The following NDUFB7 variants were observed in gnomAD, a reference collection of about 807,000 sequenced individuals.
NDUFB7 encodes NADH:ubiquinone oxidoreductase subunit B7.
In NDUFB7, 18 loss-of-function variants were observed where a neutral mutation model predicts 14.7. That is an observed-to-expected ratio of 1.22 (90% CI 0.85 to 1.81). The LOEUF is 1.81. Among genes scored for constraint, NDUFB7 ranks in the 40% most tolerant of loss-of-function variants. The probability of loss-of-function intolerance (pLI) is 0.00; values close to 1 mark genes in which losing one functional copy is unlikely to be tolerated. For missense variants in NDUFB7, 219 were observed against 195.0 expected (o/e 1.12, Z -0.73); for synonymous variants, 86 against 76.1 (o/e 1.13, Z -0.68).
intron 1 of NDUFB7, among the ~76,000 whole-genome samples, chr19:14,571,453 T>C (rs1039678504): frequency 6.6e-6 from 1 of 151,550 alleles, no homozygotes; most frequent in Non-Finnish European, 1.5e-5. Flanking sequence ...AAAAAGTAGC[T>C]GGGCATGGTG....
chr19:14,572,045 G>A lies in NDUFB7; in HGVS notation c.-45C>T, dbSNP rs200582325. The stretch of plus-strand genomic sequence containing the variant: ...CCCTGCAGCAGCCGAGGGTCACCTA[G>A]CTCCTACCCGGAACCACTGACCCCT... On this transcript the variant is annotated 5_prime_UTR_variant, in exon 1 of 3. Coordinates refer to ENST00000215565, the MANE Select transcript of NDUFB7 (RefSeq NM_004146.6). 29 of 1,442,166 alleles carry A rather than the reference G, an allele frequency of 2.0e-5. No homozygotes were observed. The highest frequency in any genetic ancestry group is 9.4e-6 in the Non-Finnish European group (10 of 1,060,216). 89.3% of individuals were successfully genotyped at this position (1,442,166 alleles called of 1,614,324 possible). A position where few individuals can be genotyped will look rare whatever the true frequency, so the allele number is the denominator to read the frequency against.
At chr19:14,569,919 C>CTCGCTCTG (rs2074115497) in intron 1 of NDUFB7, among the ~76,000 whole-genome samples, 2 of 152,200 alleles carry the variant, frequency 1.3e-5, no homozygotes, top group Admixed American at 1.3e-4. Flanking sequence ...TTCAGACAGT[C>CTCGCTCTG]TCGCTCTGTC....
chr19:14,569,677 A>G (rs1052336070), intron 1 of NDUFB7, among the ~76,000 whole-genome samples: 3 of 152,084 alleles, frequency 2.0e-5, no homozygotes, highest in African/African-American at 7.2e-5. Context: ...CGGAAGGACT[A>G]CCCGGAGTGT....
At chr19:14,569,895 T>A (rs1379088741) in intron 1 of NDUFB7, among the ~76,000 whole-genome samples, 1 of 152,104 alleles carries the variant, frequency 6.6e-6, no homozygotes, top group Non-Finnish European at 1.5e-5. Context: ...CTTTGTTTTG[T>A]TTTGTTTTGT....
chr19:14,566,978 C>G (rs1376904868), intron 1 of NDUFB7, 45 bp from the exon 2 acceptor site: 1 of 1,524,676 alleles, frequency 6.6e-7, no homozygotes, highest in Admixed American at 1.9e-5. Flanking sequence ...GGCTCCCCAC[C>G]CCAATTCCGG....
intron 1 of NDUFB7, among the ~76,000 whole-genome samples, chr19:14,570,363 G>A (rs1336920947): frequency 1.3e-5 from 2 of 151,830 alleles, no homozygotes; most frequent in Admixed American, 1.3e-4. Context: ...CCACGCCCCT[G>A]GCTAATTTTT....
At chr19:14,570,764 T>C (rs1324145637) in intron 1 of NDUFB7, among the ~76,000 whole-genome samples, 1 of 152,204 alleles carries the variant, frequency 6.6e-6, no homozygotes, top group African/African-American at 2.4e-5. Context: ...ATCCCTCCAG[T>C]TCCCTGCTGT....
chr19:14,570,433 C>A (rs1156648888), intron 1 of NDUFB7, among the ~76,000 whole-genome samples: 1 of 152,138 alleles, frequency 6.6e-6, no homozygotes, highest in East Asian at 1.9e-4. Flanking sequence ...ATCCCCTGAC[C>A]TCGTGATCTG....
At position 14,571,990 on chromosome 19, in the gene NDUFB7, T is replaced by G. The variant is rs1312574024; in HGVS notation, c.11A>C (p.His4Pro). Residue 4 changes from histidine to proline, a missense_variant, in exon 1 of 3, where the codon CAC (histidine) becomes CCC (proline). Physicochemically the swap from His to Pro is moderately conservative, Grantham distance 77. Coordinates refer to ENST00000215565, the MANE Select transcript of NDUFB7 (RefSeq NM_004146.6). The part of the protein sequence containing the change: MGA[H>P]LVRRYLGDAS... ...ATCGCCCAGGTAGCGCCGGACCAGG[T>G]GGGCCCCCATGGCTGCAGTCGCTGC... 3 of 1,600,312 alleles carry G rather than the reference T, an allele frequency of 1.9e-6. No individual in the cohort carries two copies. Among genetic ancestry groups the G allele is most frequent in the South Asian group, 2.2e-5 (2 of 89,006 alleles).
Position 14,566,078 on chromosome 19 carries a change from T to C in NDUFB7, c.*55A>G. On this transcript the variant is annotated 3_prime_UTR_variant, in exon 3 of 3. Coordinates refer to ENST00000215565, the MANE Select transcript of NDUFB7 (RefSeq NM_004146.6). ...TCGGAGCAGTAAGAGGGGACTCTGGTTGAGGGGCCTGAAGGCTTTTATTTG... is the reference window on the plus strand; with the variant it reads ...TCGGAGCAGTAAGAGGGGACTCTGGCTGAGGGGCCTGAAGGCTTTTATTTG... 6.4e-7 allele frequency: 1 copy of C among 1,569,808 alleles called. No individual in the cohort carries two copies. The highest frequency in any genetic ancestry group is 1.2e-5 in the South Asian group (1 of 86,714).
intron 1 of NDUFB7, among the ~76,000 whole-genome samples, chr19:14,571,241 C>T (rs1358855713): frequency 6.6e-6 from 1 of 152,182 alleles, no homozygotes; most frequent in Non-Finnish European, 1.5e-5. Context: ...ATTGCAGTGA[C>T]ATCAGGAAGG....
chr19:14,566,634 G>A, intron 2 of NDUFB7, 131 bp downstream of exon 2: 1 of 830,978 alleles, frequency 1.2e-6, no homozygotes, highest in Non-Finnish European at 1.8e-6. Flanking sequence ...GGCTGTGGGT[G>A]TTGGCGGGGG....
At chr19:14,569,730 T>C (rs990671063) in intron 1 of NDUFB7, among the ~76,000 whole-genome samples, 2 of 152,138 alleles carry the variant, frequency 1.3e-5, no homozygotes, top group Non-Finnish European at 2.9e-5. Flanking sequence ...TTCTCTCAAA[T>C]CCAGGCTGCT....
rs2074092804 is a variant in NDUFB7 at position 14,566,877 on chromosome 19, C to T, written c.169G>A (p.Asp57Asn). 1 of 1,578,242 alleles carries T rather than the reference C, an allele frequency of 6.3e-7. No homozygotes were observed. The highest frequency in any genetic ancestry group is 8.6e-7 in the Non-Finnish European group (1 of 1,165,024). The change falls in exon 2 of 3, where the codon GAC becomes AAC. Residue 57 changes from aspartate (D) to asparagine (N), a missense_variant. Transcript: ENST00000215565. ...CGGATGAGGTGGTGGGCGCAGTAGTCCCGCAGCTGGAGCCTCAGCTGCGCG... is the reference window on the plus strand; with the variant it reads ...CGGATGAGGTGGTGGGCGCAGTAGTTCCGCAGCTGGAGCCTCAGCTGCGCG... ...MDAQLRLQLR[D>N]YCAHHLIRLL...
At chr19:14,566,642 G>A in intron 2 of NDUFB7, 123 bp downstream of exon 2, 2 of 903,342 alleles carry the variant, frequency 2.2e-6, no homozygotes, top group Non-Finnish European at 3.3e-6. Flanking sequence ...GTGTTGGCGG[G>A]GGTGGGAGGG....
chr19:14,571,870 C>T lies in NDUFB7; in HGVS notation c.112+19G>A, dbSNP rs1431079208. 2 of 1,596,982 alleles carry T rather than the reference C, an allele frequency of 1.3e-6. No homozygotes were observed. The highest frequency in any genetic ancestry group is 3.5e-5 in the Admixed American group (2 of 57,124). ...CCGCGCCCCACGCCCTCTGGCTGCG[C>T]CTGCGCACTGGGCCTCACCGCGCTC... On this transcript the variant is annotated intron_variant, in intron 1 of 2. Coordinates refer to ENST00000215565, the MANE Select transcript of NDUFB7 (RefSeq NM_004146.6).
Position 14,571,959 on chromosome 19 carries a change from C to A in NDUFB7, c.42G>T (p.Ser14=). The A allele has an allele frequency of 6.2e-7, 1 of 1,610,944 alleles. No individual in the cohort carries two copies. The highest frequency in any genetic ancestry group is 8.5e-7 in the Non-Finnish European group (1 of 1,179,028). The part of the protein sequence containing the change: ...HLVRRYLGDA[S]VEPDPLQMPT... ...GCATCTGCAGGGGGTCGGGCTCCAC[C>A]GAGGCATCGCCCAGGTAGCGCCGGA... Residue 14 remains serine, a synonymous_variant, in exon 1 of 3, where the codon TCG becomes TCT. Coordinates refer to ENST00000215565, the MANE Select transcript of NDUFB7 (RefSeq NM_004146.6).
At chr19:14,566,288 G>A (rs988868047) in intron 2 of NDUFB7, 23 bp from the exon 3 acceptor site, 2 of 1,613,350 alleles carry the variant, frequency 1.2e-6, no homozygotes, top group Middle Eastern at 1.6e-4. Context: ...CACGAGAGGG[G>A]CTGTCAGGGT....
rs1479935823 is a variant in NDUFB7, at chr19:14,567,276, A to AG, written c.113-344dup. The stretch of plus-strand genomic sequence containing the variant: ...CTACAGCCCCGCTCTCCAGAGTCCG[A>AG]GTTCAGAATCCACCTTCTCCCAGAG... On this transcript the variant is annotated intron_variant, in intron 1 of 2. Coordinates refer to ENST00000215565, the MANE Select transcript of NDUFB7 (RefSeq NM_004146.6). This position sits in a 1 kb window ranked among gnomAD's most constrained non-coding sequence, Gnocchi z 5.1. Among the ~76,000 whole-genome samples the AG allele has an allele frequency of 6.6e-6, 1 of 151,958 alleles. No homozygotes were observed. Among genetic ancestry groups the AG allele is most frequent in the Non-Finnish European group, 1.5e-5 (1 of 67,974 alleles).
Sources: gnomAD v4.1 joint callset for allele counts (sites outside exome capture counted in the v4.1 genomes callset) on GRCh38, gnomAD v4.1.1 for gene constraint, Gnocchi (gnomAD v3.1) non-coding constraint, MANE v1.5 for transcripts, NCBI Gene and HGNC (gene_info 2026-07-23, HGNC 2026-07-21) for gene names.